The following CD63 variants were observed in gnomAD, a reference collection of about 807,000 sequenced individuals.
CD63 encodes CD63 molecule.
In CD63, 16 loss-of-function variants were observed where a neutral mutation model predicts 29.2. The ratio of observed to expected loss-of-function variants is 0.55; its 90% CI spans 0.37 to 0.83. The LOEUF (loss-of-function observed/expected upper bound fraction) is 0.83, where lower values mean the gene tolerates loss of function less well. Ranked by LOEUF, CD63 falls within the 40% of genes least tolerant of loss-of-function variation. The pLI, the probability that CD63 is intolerant of heterozygous loss-of-function variation, is 0.00. For missense variants in CD63, 251 were observed against 297.3 expected (o/e 0.84, Z 1.15); for synonymous variants, 118 against 111.7 (o/e 1.06, Z -0.36).
At chr12:55,726,331 A>ATTTTT in intron 5 of CD63, 70 bp from the exon 6 acceptor site, 1 of 555,264 alleles carries the variant, frequency 1.8e-6, no homozygotes, top group South Asian at 2.3e-5. Context: ...GGAGATGAGA[A>ATTTTT]TTCTTTTTTT....
In CD63 at chr12:55,726,885, C is replaced by T. The variant is rs772291403; in HGVS notation, c.330+5G>A. 28 of 1,613,968 alleles carry T rather than the reference C, an allele frequency of 1.7e-5. No homozygotes were observed. The highest frequency in any genetic ancestry group is 1.6e-4 in the Middle Eastern group (1 of 6,062). ...GGCAGGCCCTTCCCATTATTCCCTG[C>T]TTACCTTATCTCTAAACACATAGCC... is the stretch of plus-strand genomic sequence containing the variant. On this transcript the variant is annotated splice_donor_5th_base_variant and intron_variant, in intron 4 of 7. Transcript: ENST00000257857.
intron 2 of CD63, 128 bp from the exon 3 acceptor site, chr12:55,727,467 G>A: frequency 8.3e-7 from 1 of 1,202,090 alleles, no homozygotes; most frequent in Non-Finnish European, 1.1e-6. Context: ...CACCTCTAGG[G>A]AATTTCTTTG....
chr12:55,729,609 T>G (rs1877782367), upstream of CD63: 1 of 152,124 alleles, frequency 6.6e-6, no homozygotes, highest in African/African-American at 2.4e-5. Flanking sequence ...TACAGCATTC[T>G]AGAGTGGGGA....
intron 2 of CD63, chr12:55,727,770 C>A: frequency 9.7e-7 from 1 of 1,033,514 alleles, no homozygotes; most frequent in Non-Finnish European, 1.2e-6. Context: ...GAAAAGGGAG[C>A]AAGAGTGATG....
Position 55,726,942 on chromosome 12 carries a change from A to T in CD63, c.278T>A (p.Ile93Asn). The change falls in exon 4 of 8, where the codon ATC becomes AAC. Residue 93 changes from isoleucine (I) to asparagine (N), a missense_variant. Physicochemically the swap from Ile to Asn is moderately radical, Grantham distance 149. Transcript: ENST00000257857. ...GGCTGCGGCCACCTCCACCAACATGATAAGAGACAGAAAGATGGCAAACTG... is the reference window on the plus strand; with the variant it reads ...GGCTGCGGCCACCTCCACCAACATGTTAAGAGACAGAAAGATGGCAAACTG... Reference protein sequence around the residue: ...MITFAIFLSLIMLVEVAAAIA... With the variant: ...MITFAIFLSLNMLVEVAAAIA... The T allele has an allele frequency of 6.2e-7, 1 of 1,614,116 alleles. No homozygotes were observed. Among genetic ancestry groups the T allele is most frequent in the South Asian group, 1.1e-5 (1 of 91,076 alleles).
intron 7 of CD63, 72 bp from the exon 8 acceptor site, chr12:55,725,698 C>G: frequency 6.6e-7 from 1 of 1,525,682 alleles, no homozygotes; most frequent in Non-Finnish European, 9.1e-7. Flanking sequence ...ATGCAAGAGA[C>G]TCCAAACACA....
chr12:55,727,344 G>C lies in CD63; in HGVS notation c.67-5C>G, dbSNP rs765784784. On this transcript the variant is annotated splice_polypyrimidine_tract_variant and splice_region_variant and intron_variant, in intron 2 of 7. Coordinates refer to ENST00000257857, the MANE Select transcript of CD63 (RefSeq NM_001780.6). ...AATCAGTCCCACTGCACAGGCCTAAGAGAAAATCAGGTGAGGATTAGGCCA... is the reference window on the plus strand; with the variant it reads ...AATCAGTCCCACTGCACAGGCCTAACAGAAAATCAGGTGAGGATTAGGCCA... 6.2e-7 allele frequency: 1 copy of C among 1,610,062 alleles called. No homozygotes were observed. Among genetic ancestry groups the C allele is most frequent in the African/African-American group, 1.3e-5 (1 of 74,798 alleles).
At chr12:55,727,030 G>C in intron 3 of CD63, 66 bp from the exon 4 acceptor site, 1 of 1,575,902 alleles carries the variant, frequency 6.3e-7, no homozygotes, top group African/African-American at 1.3e-5. Flanking sequence ...TTTTGGCACA[G>C]CCGGTCCCTG....
At chr12:55,725,024 C>T (rs1321088976), downstream of CD63, among the ~76,000 whole-genome samples, 1 of 152,242 alleles carries the variant, frequency 6.6e-6, no homozygotes, top group South Asian at 2.1e-4. Context: ...CATAAATTCT[C>T]CTGCTAAGGA....
At chr12:55,723,986 G>T, downstream of CD63, 1 of 1,613,796 alleles carries the variant, frequency 6.2e-7, no homozygotes, top group Middle Eastern at 1.6e-4. Context: ...AACCCTGCAG[G>T]CCTGCTGGGC....
In CD63 at chr12:55,728,371, CG is replaced by C; in HGVS notation, c.-11-20del. 4 of 1,600,016 alleles carry C rather than the reference CG, an allele frequency of 2.5e-6. No individual in the cohort carries two copies. The highest frequency in any genetic ancestry group is 1.1e-5 in the South Asian group (1 of 88,566). ...GCCGGGCCTGGGGCAGAGGGGAGGG[CG>C]GGGGGATTAAAACTGGCCGAAGGGG... On this transcript the variant is annotated intron_variant, in intron 1 of 7. Coordinates refer to ENST00000257857, the MANE Select transcript of CD63 (RefSeq NM_001780.6). The surrounding 1 kb of genome is among the most constrained non-coding windows in gnomAD (Gnocchi z 4.8).
chr12:55,729,605 A>T (rs900565551), upstream of CD63: 1 of 152,086 alleles, frequency 6.6e-6, no homozygotes. Flanking sequence ...ATTCTACAGC[A>T]TTCTAGAGTG....
At chr12:55,724,165 C>T, downstream of CD63, 2 of 1,464,546 alleles carry the variant, frequency 1.4e-6, no homozygotes, top group Non-Finnish European at 1.9e-6. Flanking sequence ...TGAGGGTGAA[C>T]AGGATGTTAC....
rs1877681014 is a variant in CD63, at chr12:55,728,576, G to C, written c.-11-224C>G. On this transcript the variant is annotated intron_variant, in intron 1 of 7. Coordinates refer to ENST00000257857, the MANE Select transcript of CD63 (RefSeq NM_001780.6). The surrounding 1 kb of genome is among the most constrained non-coding windows in gnomAD (Gnocchi z 4.8). ...CCGGACCCCGCCCCGCCGCCTCTGG[G>C]GCCCAGGACAGATCCAAGGGCGCCG... is the stretch of plus-strand genomic sequence containing the variant. 9 of 1,404,196 alleles carry C rather than the reference G, an allele frequency of 6.4e-6. No homozygotes were observed. Among genetic ancestry groups the C allele is most frequent in the Non-Finnish European group, 8.3e-6 (9 of 1,080,986 alleles). 87.0% of individuals were successfully genotyped at this position (1,404,196 alleles called of 1,614,324 possible).
rs758707158 is a variant in CD63 at position 55,727,238 on chromosome 12, G to A, written c.168C>T (p.Val56=). 6.8e-6 allele frequency: 11 copies of A among 1,613,786 alleles called. No individual in the cohort carries two copies. In the East Asian group the frequency reaches 1.6e-4, roughly 23 times the overall value. Residue 56 remains valine, a synonymous_variant, in exon 3 of 8, where the codon GTC becomes GTT. Coordinates refer to ENST00000257857, the MANE Select transcript of CD63 (RefSeq NM_001780.6). The part of the protein sequence containing the change: ...GATPGSLLPV[V]IIAVGVFLFL... ...AGAGGAAGACACCCACTGCGATGAT[G>A]ACCACTGGCAACAGAGAGCCAGGGG...
downstream of CD63, chr12:55,724,580 A>G: frequency 6.3e-7 from 1 of 1,586,914 alleles, no homozygotes; most frequent in South Asian, 1.1e-5. Context: ...TTTTTCAAGG[A>G]CAAGGACTTT....
In CD63 at chr12:55,728,398, G is replaced by C; in HGVS notation, c.-11-46C>G. On this transcript the variant is annotated intron_variant, in intron 1 of 7. Coordinates refer to ENST00000257857, the MANE Select transcript of CD63 (RefSeq NM_001780.6). The surrounding 1 kb of genome is among the most constrained non-coding windows in gnomAD (Gnocchi z 4.8). ...GGGGGATTAAAACTGGCCGAAGGGGGACCTCGGTTTCCGGGCTCCCGGCCG... is the reference window on the plus strand; with the variant it reads ...GGGGGATTAAAACTGGCCGAAGGGGCACCTCGGTTTCCGGGCTCCCGGCCG... 1 of 1,572,462 alleles carries C rather than the reference G, an allele frequency of 6.4e-7. No individual in the cohort carries two copies. The highest frequency in any genetic ancestry group is 8.6e-7 in the Non-Finnish European group (1 of 1,159,562).
chr12:55,725,663 C>T, intron 7 of CD63, 37 bp from the exon 8 acceptor site: 1 of 1,598,136 alleles, frequency 6.3e-7, no homozygotes, highest in Non-Finnish European at 8.6e-7. Flanking sequence ...GGAGAGGAGT[C>T]AGAAGGGCTA....
At position 55,726,280 on chromosome 12, in the gene CD63, A is replaced by T; in HGVS notation, c.427-19T>A. The T allele has an allele frequency of 1.3e-6, 2 of 1,560,592 alleles. No individual in the cohort carries two copies. Among genetic ancestry groups the T allele is most frequent in the Non-Finnish European group, 1.7e-6 (2 of 1,146,678 alleles). ...ACTTAAACTGGGGGAGGGAAGAAAT[A>T]TGGAGAAGAAGGTTGTTAAGTGAAC... On this transcript the variant is annotated intron_variant, in intron 5 of 7. Coordinates refer to ENST00000257857, the MANE Select transcript of CD63 (RefSeq NM_001780.6).
Sources: gnomAD v4.1 joint callset for allele counts (sites outside exome capture counted in the v4.1 genomes callset) on GRCh38, gnomAD v4.1.1 for gene constraint, Gnocchi (gnomAD v3.1) non-coding constraint, MANE v1.5 for transcripts, NCBI Gene and HGNC (gene_info 2026-07-23, HGNC 2026-07-21) for gene names.